Variants in DNAAF5 observed in about 807,000 individuals in gnomAD.
DNAAF5 encodes the protein HEAT repeat containing 2.
DNAAF5 carries 64 observed loss-of-function variants against 75.8 expected under a neutral mutation model. That is an observed-to-expected ratio of 0.84 (90% confidence interval 0.69 to 1.04). The LOEUF (loss-of-function observed/expected upper bound fraction) is 1.04. DNAAF5 is among the 50% of genes least tolerant of loss of function. DNAAF5 has a pLI of 0.00. For missense variants in DNAAF5, 1,269 were observed against 1,178.5 expected, an observed-to-expected ratio of 1.08 and a Z score of -1.12; for synonymous variants, 657 against 557.2, an observed-to-expected ratio of 1.18 and a Z score of -2.52.
At chr7:745,430 A>G (rs980891929) in intron 4 of DNAAF5, among the ~76,000 whole-genome samples, 2 of 63,226 alleles carry the variant, frequency 3.2e-5, no homozygotes, top group African/African-American at 1.2e-4. Context: ...ACACGCATAC[A>G]CACACACACA....
chr7:780,063 C>G lies in DNAAF5; in HGVS notation c.2350C>G (p.Gln784Glu). 1.9e-6 allele frequency: 3 copies of G among 1,614,238 alleles called. No individual in the cohort carries two copies. Among genetic ancestry groups the G allele is most frequent in the Non-Finnish European group, 2.5e-6 (3 of 1,180,028 alleles). Residue 784 changes from glutamine (Q) to glutamate (E), a missense_variant, in exon 12 of 13, where the codon CAG (glutamine) becomes GAG (glutamate). By Grantham distance (29) the Gln-to-Glu change is conservative (BLOSUM62 2). Transcript: ENST00000297440. ...GGGTGCCAACGCAAAATCCTACTAT[C>G]AGAGCAGTGTCCAGTACCTGTACCG... The part of the protein sequence containing the change: ...VKGANAKSYY[Q>E]SSVQYLYREL...
Position 768,540 on chromosome 7 carries a change from C to T in DNAAF5, c.1784-1931C>T, listed in dbSNP as rs142241422. On this transcript the variant is annotated intron_variant, in intron 8 of 12. Coordinates refer to ENST00000297440, the MANE Select transcript of DNAAF5 (RefSeq NM_017802.4). ...CAGACAAGTGGTCCAGTGGAAGTGT[C>T]CGTGCTGCAAGCAGGAGCGCTAGTG... 227 of 150,192 alleles carry T rather than the reference C, an allele frequency of 1.5e-3. 1 individual carries two copies. The highest frequency in any genetic ancestry group is 4.9e-3 in the East Asian group (24 of 4,898). 9.3% of individuals were successfully genotyped at this position (150,192 alleles called of 1,614,324 possible).
Position 744,112 on chromosome 7 carries a change from TCA to T in DNAAF5, c.1024+2648_1024+2649del, listed in dbSNP as rs897331920. ...CCCTCACCTCACCCCACAACAGTTC[TCA>T]GAGTGTGATGTTCCCCTTCCTGTGT... On this transcript the variant is annotated intron_variant, in intron 4 of 12. Transcript: ENST00000297440. Among the ~76,000 whole-genome samples, 139 of 151,930 alleles carry T rather than the reference TCA, an allele frequency of 9.1e-4. 1 individual carries two copies. Among genetic ancestry groups the T allele is most frequent in the African/African-American group, 3.0e-3 (123 of 41,342 alleles).
At chr7:735,033 G>T (rs897279454) in intron 2 of DNAAF5, among the ~76,000 whole-genome samples, 3 of 151,610 alleles carry the variant, frequency 2.0e-5, no homozygotes, top group African/African-American at 7.3e-5. Flanking sequence ...TGGTGTAGCT[G>T]CTCACGGTGT....
In DNAAF5 at chr7:729,695, G is replaced by T; in HGVS notation, c.628G>T (p.Gly210Trp). The change falls in exon 2 of 13, where the codon GGG (glycine) becomes TGG (tryptophan). Residue 210 changes from glycine (G) to tryptophan (W), a missense_variant. Physicochemically the swap from Gly to Trp is radical, Grantham distance 184 (BLOSUM62 -2). Transcript: ENST00000297440. ...HFHMQSESLIGPLMQTISHQH... is the reference protein window; with the variant it reads ...HFHMQSESLIWPLMQTISHQH... The stretch of plus-strand genomic sequence containing the variant: ...CCACATGCAGTCGGAGTCTCTGATC[G>T]GGCCCCTGATGCAGACCATCTCCCA... 2 of 1,614,008 alleles carry T rather than the reference G, an allele frequency of 1.2e-6. No individual in the cohort carries two copies. Among genetic ancestry groups the T allele is most frequent in the African/African-American group, 2.7e-5 (2 of 75,032 alleles).
rs532555387 is a variant in DNAAF5, at chr7:761,516, C to T, written c.1471-237C>T. Among the ~76,000 whole-genome samples, 14 of 152,378 alleles carry T rather than the reference C, an allele frequency of 9.2e-5. No individual in the cohort carries two copies. In the East Asian group the frequency reaches 2.1e-3, roughly 23 times the overall value. On this transcript the variant is annotated intron_variant, in intron 6 of 12. Transcript: ENST00000297440. ...AAAGGAGGAGCAAAGTCACGTCTTA[C>T]GTGGCGGCAGGCGAGAGAGTGTGCA...
intron 11 of DNAAF5, among the ~76,000 whole-genome samples, chr7:775,555 C>T (rs1778733941): frequency 6.6e-6 from 1 of 151,728 alleles, no homozygotes; most frequent in Admixed American, 6.6e-5. Flanking sequence ...TACATATATA[C>T]ATGTTTGTGC....
In DNAAF5 at chr7:740,916, G is replaced by A; in HGVS notation, c.878G>A (p.Ser293Asn). ...FHKLIPLLLSSLNDEVPEVRQ... is the reference protein window; with the variant it reads ...FHKLIPLLLSNLNDEVPEVRQ... Reference sequence around the variant, plus strand: ...AAGCTCATCCCTCTGCTGCTCAGTAGCCTCAACGACGAGGTGCCTGAGGTC... The same window carrying A: ...AAGCTCATCCCTCTGCTGCTCAGTAACCTCAACGACGAGGTGCCTGAGGTC... The change falls in exon 3 of 13, where the codon AGC becomes AAC. Residue 293 changes from serine (S) to asparagine (N), a missense_variant. Coordinates refer to ENST00000297440, the MANE Select transcript of DNAAF5 (RefSeq NM_017802.4). 5 of 1,613,800 alleles carry A rather than the reference G, an allele frequency of 3.1e-6. No individual in the cohort carries two copies. Among genetic ancestry groups the A allele is most frequent in the Non-Finnish European group, 3.4e-6 (4 of 1,180,026 alleles).
intron 1 of DNAAF5, among the ~76,000 whole-genome samples, chr7:728,632 T>A (rs571508770): frequency 6.6e-6 from 1 of 152,294 alleles, no homozygotes; most frequent in Non-Finnish European, 1.5e-5. Context: ...CTCAACCACT[T>A]CCCTACCCAG....
In DNAAF5 at chr7:776,692, C is replaced by CA. The variant is rs148131377; in HGVS notation, c.2239+1530_2239+1531insA. ...GAATGGGGTGGTTGGCTTGAAGCCCCCGAAAAGCAGCAGCACTGAACAGAG... is the reference window on the plus strand; with the variant it reads ...GAATGGGGTGGTTGGCTTGAAGCCCCACGAAAAGCAGCAGCACTGAACAGAG... On this transcript the variant is annotated intron_variant, in intron 11 of 12. Coordinates refer to ENST00000297440, the MANE Select transcript of DNAAF5 (RefSeq NM_017802.4). Among the ~76,000 whole-genome samples, 459 of 152,262 alleles carry CA rather than the reference C, an allele frequency of 3.0e-3. 5 individuals carry two copies. The highest frequency in any genetic ancestry group is 0.011 in the African/African-American group (442 of 41,556).
intron 11 of DNAAF5, among the ~76,000 whole-genome samples, chr7:777,464 A>G (rs1266647004): frequency 6.6e-6 from 1 of 152,148 alleles, no homozygotes; most frequent in Non-Finnish European, 1.5e-5. Context: ...AAGCAGGAAT[A>G]AAGAACAGAT....
intron 12 of DNAAF5, among the ~76,000 whole-genome samples, chr7:781,174 C>T (rs1429890769): frequency 2.0e-5 from 3 of 152,208 alleles, no homozygotes; most frequent in East Asian, 3.8e-4. Context: ...CCTCTTCCCC[C>T]GGCCCCATTC....
intron 8 of DNAAF5, among the ~76,000 whole-genome samples, chr7:767,200 C>T (rs1203948822): frequency 6.9e-6 from 1 of 145,472 alleles, no homozygotes; most frequent in African/African-American, 2.6e-5. Flanking sequence ...GACTGTGCCA[C>T]TGCCCTCCAG....
At chr7:759,726 C>T (rs753859737) in intron 6 of DNAAF5, among the ~76,000 whole-genome samples, 10 of 152,232 alleles carry the variant, frequency 6.6e-5, no homozygotes, top group South Asian at 4.1e-4. Context: ...TCCTCAGAGA[C>T]GGTGCTGCGT....
At chr7:731,716 T>A (rs1346701895) in intron 2 of DNAAF5, among the ~76,000 whole-genome samples, 3 of 152,128 alleles carry the variant, frequency 2.0e-5, no homozygotes, top group Admixed American at 2.0e-4. Context: ...CAGCTATCAT[T>A]AGTGTTAGTG....
At chr7:778,531 T>C (rs1050671293) in intron 11 of DNAAF5, 2 of 152,274 alleles carry the variant, frequency 1.3e-5, no homozygotes, top group Non-Finnish European at 2.9e-5. Context: ...CCTAAACTGG[T>C]ACAAAAGTGG....
At chr7:728,344 G>A (rs763107271) in intron 1 of DNAAF5, among the ~76,000 whole-genome samples, 5 of 152,222 alleles carry the variant, frequency 3.3e-5, no homozygotes, top group Non-Finnish European at 7.3e-5. Flanking sequence ...CCGTCCCAGT[G>A]ATGTCCCAGT....
At chr7:741,295 C>T (rs922080905) in intron 3 of DNAAF5, 52 bp from the exon 4 acceptor site, 1 of 1,392,468 alleles carries the variant, frequency 7.2e-7, no homozygotes, top group South Asian at 1.2e-5. Flanking sequence ...GCCCTGCGGC[C>T]TCCCCTGCGT....
chr7:736,618 A>G (rs1781747244), intron 2 of DNAAF5, among the ~76,000 whole-genome samples: 2 of 152,144 alleles, frequency 1.3e-5, no homozygotes, highest in South Asian at 4.1e-4. Context: ...TATTTCTTGT[A>G]GGCAACAGAT....
Sources: allele counts gnomAD v4.1 joint callset (sites outside exome capture counted in the v4.1 genomes callset), GRCh38; gene constraint gnomAD v4.1.1; transcripts MANE v1.5; gene names NCBI Gene and HGNC (gene_info 2026-07-23, HGNC 2026-07-21).